RNF2: variants seen among roughly 807,000 people sequenced by gnomAD.
The protein encoded by RNF2 is E3 ubiquitin-protein ligase RING2.
A neutral mutation model predicts 37.2 loss-of-function variants in RNF2; 6 were observed. The ratio of observed to expected loss-of-function variants is 0.16; its 90% CI spans 0.09 to 0.32. RNF2 has a LOEUF of 0.32. RNF2 is among the 10% of genes least tolerant of loss of function. The probability of loss-of-function intolerance (pLI) is 1.00; values close to 1 mark genes in which losing one functional copy is unlikely to be tolerated. For missense variants in RNF2, 251 were observed against 404.0 expected, an observed-to-expected ratio of 0.62 and a Z score of 3.25; for synonymous variants, 133 against 132.7, an observed-to-expected ratio of 1.00 and a Z score of -0.02.
At chr1:185,050,975 TTTG>T (rs1650252452) in intron 1 of RNF2, among the ~76,000 whole-genome samples, 1 of 152,362 alleles carries the variant, frequency 6.6e-6, no homozygotes, top group African/African-American at 2.4e-5. Context: ...TTGTCCACTC[TTTG>T]TTGTCTTTTT....
At chr1:185,055,067 A>G (rs1349625274) in intron 1 of RNF2, among the ~76,000 whole-genome samples, 1 of 152,222 alleles carries the variant, frequency 6.6e-6, no homozygotes, top group Non-Finnish European at 1.5e-5. Flanking sequence ...TTCATTACAC[A>G]TGTAGGAACA....
rs139306366 is a variant in RNF2, at chr1:185,050,981, G to A, written c.-3+5332G>A. ...GTTTCTTAATTGTCCACTCTTTGTT[G>A]TCTTTTTTTCTCCTTCCTGTATTGA... On this transcript the variant is annotated intron_variant, in intron 1 of 6. Coordinates refer to ENST00000367510, the MANE Select transcript of RNF2 (RefSeq NM_007212.4). Among the ~76,000 whole-genome samples, 1,340 of 152,232 alleles carry A rather than the reference G, an allele frequency of 8.8e-3. 16 individuals carry two copies. Among genetic ancestry groups the A allele is most frequent in the Admixed American group, 0.014 (215 of 15,298 alleles).
chr1:185,073,064 T>G (rs1387227060), intron 1 of RNF2, among the ~76,000 whole-genome samples: 1 of 151,858 alleles, frequency 6.6e-6, no homozygotes, highest in African/African-American at 2.4e-5. Flanking sequence ...ACTTGCTTTT[T>G]TTTTTTTTTT....
At chr1:185,065,961 T>G (rs1368292891) in intron 1 of RNF2, among the ~76,000 whole-genome samples, 1 of 151,982 alleles carries the variant, frequency 6.6e-6, no homozygotes, top group Non-Finnish European at 1.5e-5. Flanking sequence ...GTCTCATTTT[T>G]TTTTTTTTAG....
chr1:185,084,814 A>G (rs1651532249), intron 1 of RNF2, among the ~76,000 whole-genome samples: 1 of 147,862 alleles, frequency 6.8e-6, no homozygotes, highest in Non-Finnish European at 1.5e-5. Flanking sequence ...TTGATTCACA[A>G]GAGAGAGTTG....
At chr1:185,067,457 C>T (rs944588038) in intron 1 of RNF2, among the ~76,000 whole-genome samples, 1 of 152,228 alleles carries the variant, frequency 6.6e-6, no homozygotes, top group Middle Eastern at 3.4e-3. Flanking sequence ...ATTATTTGCT[C>T]ATTTACATTT....
At chr1:185,085,119 G>A (rs1190705808) in intron 1 of RNF2, among the ~76,000 whole-genome samples, 1 of 149,234 alleles carries the variant, frequency 6.7e-6, no homozygotes, top group African/African-American at 2.5e-5. Flanking sequence ...CTTTCTCAGA[G>A]CCATATTTGA....
intron 1 of RNF2, among the ~76,000 whole-genome samples, chr1:185,084,660 T>C (rs1428417758): frequency 6.6e-6 from 1 of 152,226 alleles, no homozygotes; most frequent in Non-Finnish European, 1.5e-5. Context: ...ATCTTTGATG[T>C]GCCCCACATT....
At chr1:185,065,466 C>T (rs1650772727) in intron 1 of RNF2, among the ~76,000 whole-genome samples, 1 of 152,180 alleles carries the variant, frequency 6.6e-6, no homozygotes, top group South Asian at 2.1e-4. Context: ...CTCTTTGGGT[C>T]GGCACTACTA....
chr1:185,059,154 A>G (rs369488899), intron 1 of RNF2, among the ~76,000 whole-genome samples: 2 of 152,014 alleles, frequency 1.3e-5, no homozygotes, highest in African/African-American at 4.8e-5. Flanking sequence ...GAGAGAGATT[A>G]AGTTAGTCTA....
rs996424478 is a variant in RNF2 at position 185,091,489 on chromosome 1, GT to G, written c.88-85del. On this transcript the variant is annotated intron_variant, in intron 2 of 6. Coordinates refer to ENST00000367510, the MANE Select transcript of RNF2 (RefSeq NM_007212.4). ...CTGGGTGATGGGTACATATATGTTT[GT>G]TTTTACCATTTCCAGTACTTTTATA... 6 of 1,340,724 alleles carry G rather than the reference GT, an allele frequency of 4.5e-6. No individual in the cohort carries two copies. The African/African-American group carries it at 8.7e-5, about 19-fold the overall frequency. 83.1% of individuals were successfully genotyped at this position (1,340,724 alleles called of 1,614,324 possible). A position where few individuals can be genotyped will look rare whatever the true frequency, so the allele number is the denominator to read the frequency against.
intron 2 of RNF2, among the ~76,000 whole-genome samples, chr1:185,089,610 G>A (rs1651707679): frequency 6.6e-6 from 1 of 152,112 alleles, no homozygotes; most frequent in African/African-American, 2.4e-5. Context: ...GCCCAGTAAG[G>A]GGAGGGTAGA....
At chr1:185,067,708 C>CTTTTTT (rs753063280) in intron 1 of RNF2, among the ~76,000 whole-genome samples, 2 of 121,156 alleles carry the variant, frequency 1.7e-5, no homozygotes, top group Admixed American at 8.5e-5. Context: ...TAAAAGTATC[C>CTTTTTT]TTTTTTTTTT....
chr1:185,099,483 T>A (rs901082942), intron 5 of RNF2, among the ~76,000 whole-genome samples: 10 of 152,224 alleles, frequency 6.6e-5, no homozygotes, highest in African/African-American at 2.4e-4. Flanking sequence ...ATGTTCCTTT[T>A]TTTCCCCTTA....
chr1:185,096,602 T>G (rs1651918986), intron 4 of RNF2, among the ~76,000 whole-genome samples: 1 of 152,146 alleles, frequency 6.6e-6, no homozygotes. Context: ...TTTATTTCTC[T>G]TTTTACTTGA....
chr1:185,086,607 C>G (rs1272401029), intron 1 of RNF2, among the ~76,000 whole-genome samples: 1 of 152,146 alleles, frequency 6.6e-6, no homozygotes, highest in Non-Finnish European at 1.5e-5. Flanking sequence ...ATTTGAAAGG[C>G]TGTCATGTAG....
intron 3 of RNF2, 118 bp downstream of exon 3, chr1:185,091,857 C>G: frequency 9.6e-7 from 1 of 1,040,928 alleles, no homozygotes; most frequent in Non-Finnish European, 1.4e-6. Flanking sequence ...CTTTTCTTGC[C>G]CAGGCTGGAG....
intron 4 of RNF2, among the ~76,000 whole-genome samples, chr1:185,095,542 G>A (rs1416436005): frequency 6.6e-6 from 1 of 152,136 alleles, no homozygotes; most frequent in African/African-American, 2.4e-5. Flanking sequence ...TCTCTCATGT[G>A]TTACCTGCTA....
chr1:185,081,358 A>G (rs550716885), intron 1 of RNF2, among the ~76,000 whole-genome samples: 1 of 151,222 alleles, frequency 6.6e-6, no homozygotes, highest in East Asian at 1.9e-4. Flanking sequence ...TCCGATGACT[A>G]TGGTGGGTGA....
Sources: gnomAD v4.1 joint callset for allele counts (sites outside exome capture counted in the v4.1 genomes callset) on GRCh38, gnomAD v4.1.1 for gene constraint, MANE v1.5 for transcripts, NCBI Gene and HGNC (gene_info 2026-07-23, HGNC 2026-07-21) for gene names.